Variants in NT5DC3 observed in about 807,000 individuals in gnomAD.
NT5DC3 encodes the protein 5'-nucleotidase domain containing 3.
A neutral mutation model predicts 67.8 loss-of-function variants in NT5DC3; 42 were observed. The ratio of observed to expected loss-of-function variants is 0.62; its 90% CI spans 0.48 to 0.80. NT5DC3 has a LOEUF of 0.80. Among genes scored for constraint, NT5DC3 ranks in the 30% least tolerant of loss-of-function variants. The pLI, the probability that NT5DC3 is intolerant of heterozygous loss-of-function variation, is 0.00. For missense variants in NT5DC3, 570 were observed against 696.4 expected (o/e 0.82, Z 2.04); for synonymous variants, 237 against 255.6 (o/e 0.93, Z 0.69).
intron 2 of NT5DC3, among the ~76,000 whole-genome samples, chr12:103,813,683 G>T (rs1416878389): frequency 2.6e-5 from 4 of 152,108 alleles, no homozygotes; most frequent in Non-Finnish European, 5.9e-5. Flanking sequence ...CATCTTCAAG[G>T]CCTCACATTT....
downstream of NT5DC3, among the ~76,000 whole-genome samples, chr12:103,768,624 G>A (rs1390616959): frequency 1.3e-5 from 1 of 75,936 alleles, no homozygotes; most frequent in Non-Finnish European, 2.7e-5. Flanking sequence ...GGAGAGAGAG[G>A]GAGAGGGAGT....
chr12:103,801,053 A>T (rs1318236415), intron 4 of NT5DC3, among the ~76,000 whole-genome samples: 1 of 152,058 alleles, frequency 6.6e-6, no homozygotes, highest in African/African-American at 2.4e-5. Flanking sequence ...AACTTAAACT[A>T]TAGGTACAAA....
At chr12:103,761,549 G>C in the NT5DC3 span, 15 of 713,338 alleles carry the variant, frequency 2.1e-5, no homozygotes, top group Middle Eastern at 4.0e-4. Context: ...CAACCTCCAA[G>C]GTAGCTGGCC....
the NT5DC3 span, among the ~76,000 whole-genome samples, chr12:103,758,891 C>T: frequency 2.4e-4 from 36 of 152,306 alleles, no homozygotes; most frequent in African/African-American, 8.2e-4. Flanking sequence ...CTCAAGACAC[C>T]GCTGGAAAGC....
At chr12:103,836,801 G>A (rs1049578387) in intron 1 of NT5DC3, among the ~76,000 whole-genome samples, 2 of 152,194 alleles carry the variant, frequency 1.3e-5, no homozygotes, top group African/African-American at 4.8e-5. Flanking sequence ...GCTTTGCAGG[G>A]TACAGCCTCC....
At chr12:103,793,837 A>T in intron 7 of NT5DC3, 100 bp downstream of exon 7, 1 of 937,732 alleles carries the variant, frequency 1.1e-6, no homozygotes, top group Non-Finnish European at 1.7e-6. Flanking sequence ...GCACTCATGC[A>T]GCCTCTGCTT....
intron 10 of NT5DC3, 44 bp downstream of exon 10, chr12:103,788,794 C>T (rs2139325393): frequency 3.1e-6 from 4 of 1,302,288 alleles, no homozygotes; most frequent in Middle Eastern, 1.8e-4. Context: ...TTATTACCGA[C>T]CACAAAGCAA....
At chr12:103,809,413 T>C (rs904909018) in intron 2 of NT5DC3, among the ~76,000 whole-genome samples, 4 of 152,190 alleles carry the variant, frequency 2.6e-5, no homozygotes, top group Admixed American at 1.3e-4. Context: ...TCCTGAGAAA[T>C]ACACAATGTT....
At position 103,798,686 on chromosome 12, in the gene NT5DC3, A is replaced by G. The variant is rs1370223417; in HGVS notation, c.525-9T>C. On this transcript the variant is annotated splice_polypyrimidine_tract_variant and intron_variant, in intron 4 of 13. Coordinates refer to ENST00000392876, the MANE Select transcript of NT5DC3 (RefSeq NM_001031701.3). ...GGACAACACTGAGGCCTCTGGAAAA[A>G]CCAGATGGTGCAGTTAAAGAGCTCA... 3.8e-6 allele frequency: 6 copies of G among 1,598,432 alleles called. No homozygotes were observed. The highest frequency in any genetic ancestry group is 5.1e-6 in the Non-Finnish European group (6 of 1,165,764).
In NT5DC3 at chr12:103,841,142, CGCT is replaced by C; in HGVS notation, c.12_14del (p.Ala7del). ...CGGCCCCGCGTGCCACCACCGCCGC[CGCT>C]GCCATGGTCATGCCTGCTGCCTGCT... On this transcript the variant is annotated inframe_deletion, in exon 1 of 14. Transcript: ENST00000392876. 1 of 810,692 alleles carries C rather than the reference CGCT, an allele frequency of 1.2e-6. No homozygotes were observed. The highest frequency in any genetic ancestry group is 2.6e-5 in the South Asian group (1 of 38,360). The allele number at this position is 810,692 out of a possible 1,614,324, so 50.2% of individuals were successfully genotyped here. A position where few individuals can be genotyped will look rare whatever the true frequency, so the allele number is the denominator to read the frequency against.
the NT5DC3 span, chr12:103,758,428 C>T: frequency 7.1e-7 from 1 of 1,414,024 alleles, no homozygotes; most frequent in Admixed American, 2.1e-5. Flanking sequence ...CAGTTGGCCA[C>T]TCCCTTGGTC....
At chr12:103,812,471 T>C (rs1887075129) in intron 2 of NT5DC3, among the ~76,000 whole-genome samples, 1 of 152,216 alleles carries the variant, frequency 6.6e-6, no homozygotes, top group African/African-American at 2.4e-5. Context: ...TCTAGAGGCT[T>C]TTCAAATAAT....
chr12:103,804,476 T>A (rs750398430), intron 4 of NT5DC3, among the ~76,000 whole-genome samples: 10 of 152,068 alleles, frequency 6.6e-5, no homozygotes, highest in Middle Eastern at 3.2e-3. Flanking sequence ...GAAGGGAATT[T>A]GAAACAGGGA....
At chr12:103,808,230 A>C (rs1359402636) in intron 2 of NT5DC3, among the ~76,000 whole-genome samples, 1 of 152,198 alleles carries the variant, frequency 6.6e-6, no homozygotes, top group Non-Finnish European at 1.5e-5. Context: ...GGGACATCAG[A>C]GGTTCTGAAT....
At chr12:103,753,985 T>C in the NT5DC3 span, among the ~76,000 whole-genome samples, 3 of 152,190 alleles carry the variant, frequency 2.0e-5, no homozygotes, top group East Asian at 1.9e-4. Flanking sequence ...TCTTAACCTC[T>C]AAAACTAGAA....
chr12:103,787,610 AATTGTTGTTTTT>A, intron 10 of NT5DC3, 83 bp from the exon 11 acceptor site: 1 of 707,466 alleles, frequency 1.4e-6, no homozygotes, highest in Non-Finnish European at 2.2e-6. Flanking sequence ...AACTTTTAAA[AATTGTTGTTTTT>A]ATAACTTATT....
At chr12:103,788,502 T>TA (rs1420975951) in intron 10 of NT5DC3, among the ~76,000 whole-genome samples, 1 of 152,218 alleles carries the variant, frequency 6.6e-6, no homozygotes, top group East Asian at 1.9e-4. Context: ...TGTCAGAAAA[T>TA]AATTAGTAAT....
At chr12:103,805,421 CA>C (rs760789500) in intron 4 of NT5DC3, among the ~76,000 whole-genome samples, 3 of 152,130 alleles carry the variant, frequency 2.0e-5, no homozygotes, top group Non-Finnish European at 4.4e-5. Context: ...TTAATTTTAA[CA>C]AAGTTTGTGA....
chr12:103,762,404 TAA>T, the NT5DC3 span: 4 of 1,614,126 alleles, frequency 2.5e-6, no homozygotes, highest in Non-Finnish European at 3.4e-6. Context: ...CATTTTGAGG[TAA>T]GAGAGAAAAA....
Sources: allele counts gnomAD v4.1 joint callset (sites outside exome capture counted in the v4.1 genomes callset), GRCh38; gene constraint gnomAD v4.1.1; transcripts MANE v1.5; gene names NCBI Gene and HGNC (gene_info 2026-07-23, HGNC 2026-07-21).